Variants in SLCO2A1 observed in about 807,000 individuals in gnomAD.
The protein encoded by SLCO2A1 is solute carrier organic anion transporter family member 2A1.
A neutral mutation model predicts 71.7 loss-of-function variants in SLCO2A1; 60 were observed. The observed-to-expected ratio is 0.84, with a 90% CI of 0.68 to 1.04. The LOEUF (loss-of-function observed/expected upper bound fraction) is 1.04. Among genes scored for constraint, SLCO2A1 ranks in the 50% least tolerant of loss-of-function variants. The pLI is 0.00. For missense variants in SLCO2A1, 745 were observed against 813.4 expected (o/e 0.92, Z 1.02); for synonymous variants, 308 against 326.7 (o/e 0.94, Z 0.62).
intron 1 of SLCO2A1, among the ~76,000 whole-genome samples, chr3:133,985,541 T>C (rs564290114): frequency 4.0e-4 from 61 of 152,358 alleles, no homozygotes; most frequent in African/African-American, 1.3e-3. Context: ...AAATGGTATA[T>C]ACCATCATTT....
intron 1 of SLCO2A1, among the ~76,000 whole-genome samples, chr3:134,014,193 T>G (rs1016030737): frequency 9.2e-5 from 14 of 152,112 alleles, no homozygotes; most frequent in Admixed American, 1.3e-4. Context: ...AAGGTAGGGG[T>G]CTGCCCTGTT....
chr3:133,979,478 C>T lies in SLCO2A1; in HGVS notation c.234+3G>A, dbSNP rs768893815. On this transcript the variant is annotated splice_donor_region_variant and intron_variant, in intron 2 of 13. Transcript: ENST00000310926. ...GTCTGATGGACCAGAACCTCCTGCTCACCTCATTCAAGCTGGAAATGAGAC... is the reference window on the plus strand; with the variant it reads ...GTCTGATGGACCAGAACCTCCTGCTTACCTCATTCAAGCTGGAAATGAGAC... 1.4e-5 allele frequency: 22 copies of T among 1,614,170 alleles called. No homozygotes were observed. The highest frequency in any genetic ancestry group is 1.8e-5 in the Non-Finnish European group (21 of 1,180,022).
intron 1 of SLCO2A1, among the ~76,000 whole-genome samples, chr3:133,989,642 C>T (rs1201380923): frequency 6.6e-6 from 1 of 152,206 alleles, no homozygotes; most frequent in Non-Finnish European, 1.5e-5. Context: ...TGTGGAAGGG[C>T]TTAGAATGAC....
At chr3:133,993,341 T>C (rs1485006517) in intron 1 of SLCO2A1, among the ~76,000 whole-genome samples, 3 of 152,266 alleles carry the variant, frequency 2.0e-5, no homozygotes, top group African/African-American at 7.2e-5. Flanking sequence ...GGTGCCCTGT[T>C]CAAAGCTCAG....
chr3:133,974,725 G>T (rs1202411534), intron 2 of SLCO2A1, among the ~76,000 whole-genome samples: 2 of 152,140 alleles, frequency 1.3e-5, no homozygotes, highest in African/African-American at 4.8e-5. Flanking sequence ...AATGGTAAGG[G>T]GATGCTGCCA....
chr3:133,962,532 T>G (rs144299240), intron 3 of SLCO2A1, among the ~76,000 whole-genome samples: 8 of 152,310 alleles, frequency 5.3e-5, no homozygotes, highest in African/African-American at 1.9e-4. Context: ...ACCAACCCCG[T>G]GGGCAGCCTC....
At chr3:133,995,072 T>A (rs564707148) in intron 1 of SLCO2A1, among the ~76,000 whole-genome samples, 1 of 152,254 alleles carries the variant, frequency 6.6e-6, no homozygotes, top group Admixed American at 6.5e-5. Flanking sequence ...ACAAGCTAGG[T>A]GCACCCGAGG....
intron 3 of SLCO2A1, among the ~76,000 whole-genome samples, chr3:133,962,125 G>A (rs2108049394): frequency 6.6e-6 from 1 of 152,190 alleles, no homozygotes; most frequent in East Asian, 1.9e-4. Context: ...TGTCGCCCAG[G>A]CTGGAGTGCA....
chr3:133,977,335 A>T (rs1329209129), intron 2 of SLCO2A1, among the ~76,000 whole-genome samples: 3 of 152,172 alleles, frequency 2.0e-5, no homozygotes, highest in African/African-American at 7.2e-5. Context: ...ATTGAACTCC[A>T]TCCCTGGGAA....
chr3:133,956,991 C>G (rs1933913919), intron 3 of SLCO2A1, among the ~76,000 whole-genome samples: 1 of 152,162 alleles, frequency 6.6e-6, no homozygotes, highest in African/African-American at 2.4e-5. Flanking sequence ...AATAAAGCAA[C>G]AAAGTTTTTA....
chr3:133,943,892 C>T (rs938196797), intron 10 of SLCO2A1, among the ~76,000 whole-genome samples: 1 of 152,240 alleles, frequency 6.6e-6, no homozygotes, highest in Non-Finnish European at 1.5e-5. Context: ...AGGCACTAGG[C>T]TTGCCCATCC....
intron 4 of SLCO2A1, among the ~76,000 whole-genome samples, chr3:133,954,033 G>A (rs571051188): frequency 7.9e-5 from 12 of 152,190 alleles, no homozygotes; most frequent in Admixed American, 7.8e-4. Context: ...AATGCCAGGT[G>A]ATGCTCCCTG....
At chr3:133,984,008 G>A (rs1467185991) in intron 1 of SLCO2A1, among the ~76,000 whole-genome samples, 1 of 152,198 alleles carries the variant, frequency 6.6e-6, no homozygotes, top group East Asian at 1.9e-4. Context: ...CCAGAAGGAG[G>A]AGAGCATAAG....
intron 1 of SLCO2A1, among the ~76,000 whole-genome samples, 158 bp downstream of exon 1, chr3:134,029,549 C>A (rs867142837): frequency 1.3e-5 from 2 of 152,088 alleles, no homozygotes; most frequent in South Asian, 4.2e-4. Flanking sequence ...CGCACACACA[C>A]GCCCAGCACG....
chr3:134,010,294 T>A (rs1249653969), intron 1 of SLCO2A1, among the ~76,000 whole-genome samples: 1 of 152,182 alleles, frequency 6.6e-6, no homozygotes, highest in Non-Finnish European at 1.5e-5. Context: ...AAAAGGGGTT[T>A]AATTGACTCA....
intron 1 of SLCO2A1, chr3:133,998,545 G>A (rs1033661518): frequency 3.9e-5 from 6 of 152,278 alleles, no homozygotes; most frequent in Non-Finnish European, 8.8e-5. Flanking sequence ...CATGTCCCAT[G>A]AGCATCTTCC....
At chr3:134,018,891 A>G (rs1935514821) in intron 1 of SLCO2A1, among the ~76,000 whole-genome samples, 1 of 152,142 alleles carries the variant, frequency 6.6e-6, no homozygotes, top group African/African-American at 2.4e-5. Flanking sequence ...CAGAGACTCT[A>G]GATTAAATCT....
At chr3:134,026,910 G>T (rs1935710816) in intron 1 of SLCO2A1, among the ~76,000 whole-genome samples, 1 of 152,190 alleles carries the variant, frequency 6.6e-6, no homozygotes. Flanking sequence ...TGATCCTGGG[G>T]CCATGTTTAG....
chr3:134,011,945 T>C (rs1302603713), intron 1 of SLCO2A1, among the ~76,000 whole-genome samples: 1 of 152,020 alleles, frequency 6.6e-6, no homozygotes, highest in East Asian at 1.9e-4. Flanking sequence ...TGGGGGCTGA[T>C]GAGGGCATCA....
Sources: allele counts gnomAD v4.1 joint callset (sites outside exome capture counted in the v4.1 genomes callset), GRCh38; gene constraint gnomAD v4.1.1; transcripts MANE v1.5; gene names NCBI Gene and HGNC (gene_info 2026-07-23, HGNC 2026-07-21).